CGGBP1: variants seen among roughly 807,000 people sequenced by gnomAD.
The protein encoded by CGGBP1 is CGG triplet repeat-binding protein 1.
Under a neutral mutation model 11.4 loss-of-function variants are expected in CGGBP1, and 4 were observed. The observed-to-expected ratio is 0.35, with a 90% confidence interval of 0.17 to 0.80. CGGBP1 has a LOEUF of 0.80. Among genes scored for constraint, CGGBP1 ranks in the 30% least tolerant of loss-of-function variants. The pLI, the probability that CGGBP1 is intolerant of heterozygous loss-of-function variation, is 0.52. For synonymous variants in CGGBP1, 76 were observed against 74.1 expected (o/e 1.03, Z -0.13); for missense variants, 135 against 202.1 (o/e 0.67, Z 2.01).
At chr3:88,139,290 A>C in intron 2 of CGGBP1, 1 of 1,568,072 alleles carries the variant, frequency 6.4e-7, no homozygotes, top group Non-Finnish European at 8.6e-7. Context: ...AGTAGATCAC[A>C]ATGTCCCAAG....
chr3:88,067,365 T>C (rs73146085), intron 2 of CGGBP1, among the ~76,000 whole-genome samples: 10,292 of 152,280 alleles, frequency 0.068, 477 homozygotes, highest in Non-Finnish European at 0.1. Flanking sequence ...ATCTTAGAGA[T>C]AGCTGGACTT....
chr3:88,091,231 C>A lies in CGGBP1; in HGVS notation c.-228-33008G>T, dbSNP rs193032341. On this transcript the variant is annotated intron_variant, in intron 2 of 3. Coordinates refer to the CGGBP1 transcript ENST00000462901. ...GACTGTACTATGTTAGCTGCCCCATCAGAACCACAGAAGTGTTGGAGAGAG... is the reference window on the plus strand; with the variant it reads ...GACTGTACTATGTTAGCTGCCCCATAAGAACCACAGAAGTGTTGGAGAGAG... Among the ~76,000 whole-genome samples the A allele has an allele frequency of 1.4e-4, 22 of 152,314 alleles. No homozygotes were observed. In the East Asian group the frequency reaches 1.7e-3, roughly 12 times the overall value.
chr3:88,103,273 T>C (rs1370513530), intron 2 of CGGBP1, among the ~76,000 whole-genome samples: 1 of 152,100 alleles, frequency 6.6e-6, no homozygotes. Flanking sequence ...TTTGAGCAGA[T>C]TGGAAATTTC....
intron 1 of CGGBP1, among the ~76,000 whole-genome samples, chr3:88,147,507 T>TA (rs1707332249): frequency 6.6e-6 from 1 of 152,128 alleles, no homozygotes; most frequent in Non-Finnish European, 1.5e-5. Flanking sequence ...AAGTCAGAGA[T>TA]AAAAAATGAA....
intron 2 of CGGBP1, among the ~76,000 whole-genome samples, chr3:88,085,416 C>A (rs1708288746): frequency 6.6e-6 from 1 of 152,244 alleles, no homozygotes; most frequent in Admixed American, 6.5e-5. Context: ...TTTCACATAT[C>A]ACAAAGTGAT....
At chr3:88,118,418 G>A (rs1228834299) in intron 2 of CGGBP1, among the ~76,000 whole-genome samples, 2 of 152,106 alleles carry the variant, frequency 1.3e-5, no homozygotes, top group South Asian at 2.1e-4. Flanking sequence ...CATGAAAGGA[G>A]TTGAAAAGCC....
At chr3:88,063,315 T>C (rs530197926), upstream of CGGBP1, among the ~76,000 whole-genome samples, 35 of 152,328 alleles carry the variant, frequency 2.3e-4, no homozygotes, top group African/African-American at 7.5e-4. Context: ...GTAATGCCGA[T>C]ATAAATGGCA....
At chr3:88,129,898 G>GT in intron 2 of CGGBP1, 1 of 1,258,266 alleles carries the variant, frequency 7.9e-7, no homozygotes, top group Non-Finnish European at 1.0e-6. Flanking sequence ...TTTGAACTTT[G>GT]TTTTTTACAT....
chr3:88,122,087 A>G (rs1193994678), intron 2 of CGGBP1, among the ~76,000 whole-genome samples: 4 of 152,222 alleles, frequency 2.6e-5, no homozygotes, highest in Non-Finnish European at 4.4e-5. Context: ...CAAATGTTCA[A>G]TATGGCAGGA....
intron 1 of CGGBP1, chr3:88,143,681 C>A (rs1707231034): frequency 6.6e-6 from 1 of 152,202 alleles, no homozygotes; most frequent in South Asian, 2.1e-4. Flanking sequence ...CAAATATATT[C>A]CATTTGTAAT....
chr3:88,111,992 T>C (rs1169038814), intron 2 of CGGBP1, among the ~76,000 whole-genome samples: 1 of 151,986 alleles, frequency 6.6e-6, no homozygotes, highest in Non-Finnish European at 1.5e-5. Flanking sequence ...TACTAGGTTA[T>C]TGACTTTTTT....
At chr3:88,070,001 A>C (rs1707416620) in intron 2 of CGGBP1, among the ~76,000 whole-genome samples, 1 of 152,232 alleles carries the variant, frequency 6.6e-6, no homozygotes, top group Admixed American at 6.5e-5. Flanking sequence ...GTCATTTGAC[A>C]AATCTCTCAA....
chr3:88,091,377 C>T (rs1389648290), intron 2 of CGGBP1, among the ~76,000 whole-genome samples: 1 of 152,178 alleles, frequency 6.6e-6, no homozygotes, highest in Non-Finnish European at 1.5e-5. Flanking sequence ...CAGTTATTCT[C>T]TACTGATTTT....
At chr3:88,097,850 T>C (rs1233062913) in intron 2 of CGGBP1, among the ~76,000 whole-genome samples, 2 of 152,160 alleles carry the variant, frequency 1.3e-5, no homozygotes, top group Non-Finnish European at 2.9e-5. Flanking sequence ...GAGGGAAATT[T>C]ATAGCACTAA....
rs140899520 is a variant in CGGBP1, at chr3:88,093,806, T to G, written c.-228-35583A>C. Among the ~76,000 whole-genome samples the G allele has an allele frequency of 4.1e-3, 625 of 152,330 alleles. 4 individuals carry two copies. The highest frequency in any genetic ancestry group is 0.014 in the African/African-American group (596 of 41,580). ...CTAGGCTTTCAACTAATTTAGGAAA[T>G]GACTTGGAAATAAAGGAAGAAAGGC... On this transcript the variant is annotated intron_variant, in intron 2 of 3. Coordinates refer to the CGGBP1 transcript ENST00000462901.
In CGGBP1 at chr3:88,055,116, G is replaced by A. The variant is rs898168967; in HGVS notation, c.*357C>T. ...TTCAATAGGCTAGTCTTCAATCCAA[G>A]TAATTAAGTAATCTCACAAGGAATA... On this transcript the variant is annotated 3_prime_UTR_variant, in exon 4 of 4. Transcript: ENST00000482016. The surrounding 1 kb of genome is among the most constrained non-coding windows in gnomAD (Gnocchi z 4.2). 1 of 167,668 alleles carries A rather than the reference G, an allele frequency of 6.0e-6. No homozygotes were observed. Among genetic ancestry groups the A allele is most frequent in the Non-Finnish European group, 1.3e-5 (1 of 78,854 alleles). 10.4% of individuals were successfully genotyped at this position (167,668 alleles called of 1,614,324 possible).
At chr3:88,094,953 A>ATG (rs1703973763) in intron 2 of CGGBP1, among the ~76,000 whole-genome samples, 1 of 152,140 alleles carries the variant, frequency 6.6e-6, no homozygotes. Flanking sequence ...GCTTCTTACA[A>ATG]AGAAAACTTA....
intron 1 of CGGBP1, among the ~76,000 whole-genome samples, chr3:88,148,813 G>A (rs1707355118): frequency 6.6e-6 from 1 of 152,052 alleles, no homozygotes; most frequent in African/African-American, 2.4e-5. Context: ...CTAATTTTTT[G>A]TATTTTTAGT....
intron 2 of CGGBP1, among the ~76,000 whole-genome samples, chr3:88,082,690 A>G (rs1708142583): frequency 6.6e-6 from 1 of 152,188 alleles, no homozygotes; most frequent in African/African-American, 2.4e-5. Flanking sequence ...GTGACAAACT[A>G]ATGTTTGGTA....
Sources: allele counts gnomAD v4.1 joint callset (sites outside exome capture counted in the v4.1 genomes callset), GRCh38; gene constraint gnomAD v4.1.1; non-coding constraint Gnocchi (gnomAD v3.1); transcripts MANE v1.5; gene names NCBI Gene and HGNC (gene_info 2026-07-23, HGNC 2026-07-21).